FGGY: variants seen among roughly 807,000 people sequenced by gnomAD.
FGGY encodes the protein FGGY carbohydrate kinase domain-containing protein.
Under a neutral mutation model 71.3 loss-of-function variants are expected in FGGY, and 72 were observed. The ratio of observed to expected loss-of-function variants is 1.01; its 90% CI spans 0.84 to 1.23. FGGY has a LOEUF of 1.23. Among genes scored for constraint, FGGY ranks in the 50% most tolerant of loss-of-function variants. The pLI is 0.00. For missense variants in FGGY, 668 were observed against 682.3 expected (o/e 0.98, Z 0.23); for synonymous variants, 251 against 250.3 (o/e 1.00, Z -0.02).
chr1:59,643,186 T>A (rs1489703808), intron 11 of FGGY, among the ~76,000 whole-genome samples: 1 of 151,506 alleles, frequency 6.6e-6, no homozygotes, highest in Admixed American at 6.6e-5. Context: ...ATATTTTTAA[T>A]TTTTTTTTAA....
At chr1:59,524,859 C>T (rs1203365116) in intron 7 of FGGY, among the ~76,000 whole-genome samples, 3 of 152,208 alleles carry the variant, frequency 2.0e-5, no homozygotes, top group Non-Finnish European at 2.9e-5. Context: ...GAACTCAGGA[C>T]CCACTGAATG....
Position 59,667,390 on chromosome 1 carries a change from T to A in FGGY, c.1404T>A (p.His468Gln). 1 of 1,614,144 alleles carries A rather than the reference T, an allele frequency of 6.2e-7. No individual in the cohort carries two copies. Among genetic ancestry groups the A allele is most frequent in the Non-Finnish European group, 8.5e-7 (1 of 1,179,998 alleles). ...AGAATCCCCTTTTTGTGCAAATGCA[T>A]GCGGACATTACTGGTAAGTCTGGGA... ...LSKNPLFVQMHADITGMPVVL... is the reference protein window; with the variant it reads ...LSKNPLFVQMQADITGMPVVL... The change falls in exon 13 of 16, where the codon CAT becomes CAA. Residue 468 changes from histidine to glutamine, a missense_variant. Physicochemically the swap from His to Gln is conservative, Grantham distance 24. Coordinates refer to ENST00000303721, the MANE Select transcript of FGGY (RefSeq NM_018291.5).
chr1:59,594,240 A>G (rs1252432583), intron 8 of FGGY, among the ~76,000 whole-genome samples: 3 of 152,134 alleles, frequency 2.0e-5, no homozygotes, highest in South Asian at 4.2e-4. Context: ...GATTAACCAT[A>G]CTAGTCTGGA....
chr1:59,315,466 C>CTT (rs2045273199), intron 1 of FGGY: 1 of 150,424 alleles, frequency 6.6e-6, no homozygotes, highest in Non-Finnish European at 1.5e-5. Flanking sequence ...CTTCCCTTTC[C>CTT]TTTCCCCCTC....
intron 4 of FGGY, among the ~76,000 whole-genome samples, chr1:59,361,628 T>C (rs2055540643): frequency 6.6e-6 from 1 of 152,176 alleles, no homozygotes; most frequent in African/African-American, 2.4e-5. Context: ...AATTACAGGA[T>C]TCTTTGCAGG....
chr1:59,576,032 G>T (rs929124775), intron 8 of FGGY, among the ~76,000 whole-genome samples: 2 of 151,996 alleles, frequency 1.3e-5, no homozygotes, highest in Non-Finnish European at 1.5e-5. Context: ...TTGTCTAATT[G>T]TGTTTGCTAG....
At chr1:59,521,999 C>A (rs999289737) in intron 7 of FGGY, among the ~76,000 whole-genome samples, 1 of 152,184 alleles carries the variant, frequency 6.6e-6, no homozygotes, top group East Asian at 1.9e-4. Context: ...ACCTGCTATT[C>A]GAGTTCCTTC....
At chr1:59,685,533 T>G (rs1358352747) in intron 14 of FGGY, among the ~76,000 whole-genome samples, 1 of 152,192 alleles carries the variant, frequency 6.6e-6, no homozygotes, top group Non-Finnish European at 1.5e-5. Flanking sequence ...CACATATATA[T>G]ACATATAAAC....
rs1480752978 is a variant in FGGY, at chr1:59,762,634, A to G, written c.*50A>G. 1 of 1,320,678 alleles carries G rather than the reference A, an allele frequency of 7.6e-7. No homozygotes were observed. Among genetic ancestry groups the G allele is most frequent in the Non-Finnish European group, 1.0e-6 (1 of 963,942 alleles). 81.8% of individuals were successfully genotyped at this position (1,320,678 alleles called of 1,614,324 possible). A position where few individuals can be genotyped will look rare whatever the true frequency, so the allele number is the denominator to read the frequency against. Reference sequence around the variant, plus strand: ...AGAAGCTTCTGTGCCATTGCATTAAAGACTTGTCATTTGATCCATGTTCAA... The same window carrying G: ...AGAAGCTTCTGTGCCATTGCATTAAGGACTTGTCATTTGATCCATGTTCAA... On this transcript the variant is annotated 3_prime_UTR_variant, in exon 16 of 16. Coordinates refer to ENST00000303721, the MANE Select transcript of FGGY (RefSeq NM_018291.5).
intron 14 of FGGY, among the ~76,000 whole-genome samples, chr1:59,757,362 T>C (rs1559006733): frequency 6.6e-6 from 1 of 152,224 alleles, no homozygotes; most frequent in Non-Finnish European, 1.5e-5. Flanking sequence ...AAGAATGTCC[T>C]GAAGTCACAT....
At chr1:59,710,411 C>T (rs2095720) in intron 14 of FGGY, among the ~76,000 whole-genome samples, 71,964 of 151,842 alleles carry the variant, frequency 0.47, 18,231 homozygotes, top group Middle Eastern at 0.63. Flanking sequence ...ACTAAAACAC[C>T]GAAAGCAATG....
intron 5 of FGGY, among the ~76,000 whole-genome samples, chr1:59,424,518 G>A (rs559774511): frequency 6.6e-6 from 1 of 152,268 alleles, no homozygotes; most frequent in Non-Finnish European, 1.5e-5. Flanking sequence ...CTGCACTCCA[G>A]CCTGGCGACA....
At chr1:59,303,031 A>G (rs1205443679) in intron 1 of FGGY, among the ~76,000 whole-genome samples, 1 of 152,160 alleles carries the variant, frequency 6.6e-6, no homozygotes, top group East Asian at 1.9e-4. Flanking sequence ...AAAATTGTAC[A>G]TGCTCAAGGT....
intron 4 of FGGY, among the ~76,000 whole-genome samples, chr1:59,375,883 T>TG (rs2058586174): frequency 6.6e-6 from 1 of 150,610 alleles, no homozygotes; most frequent in South Asian, 2.1e-4. Flanking sequence ...AAAGTAGTTT[T>TG]TTTTTTTTTT....
intron 5 of FGGY, among the ~76,000 whole-genome samples, chr1:59,451,179 C>T (rs1201481944): frequency 1.3e-5 from 2 of 151,934 alleles, no homozygotes; most frequent in Non-Finnish European, 2.9e-5. Flanking sequence ...CTTTGAGAGT[C>T]CTACTAAGTG....
At chr1:59,745,867 A>G (rs944721452) in intron 14 of FGGY, among the ~76,000 whole-genome samples, 44 of 152,342 alleles carry the variant, frequency 2.9e-4, no homozygotes, top group African/African-American at 1.0e-3. Context: ...TTTGCTAAGA[A>G]TGATAGAGTA....
chr1:59,515,585 A>G (rs2094623258), intron 7 of FGGY, among the ~76,000 whole-genome samples: 1 of 152,202 alleles, frequency 6.6e-6, no homozygotes, highest in Non-Finnish European at 1.5e-5. Context: ...CAGAATTCCC[A>G]CATGTTGTGG....
chr1:59,513,584 A>G (rs1187871633), intron 7 of FGGY, among the ~76,000 whole-genome samples: 1 of 152,186 alleles, frequency 6.6e-6, no homozygotes, highest in Non-Finnish European at 1.5e-5. Context: ...TTTTCAGCAC[A>G]CTATTTGAAG....
chr1:59,371,783 C>G (rs2057691585), intron 4 of FGGY, among the ~76,000 whole-genome samples: 1 of 152,120 alleles, frequency 6.6e-6, no homozygotes, highest in African/African-American at 2.4e-5. Context: ...TACATGGAAA[C>G]TGAACAACCT....
Sources: allele counts gnomAD v4.1 joint callset (sites outside exome capture counted in the v4.1 genomes callset), GRCh38; gene constraint gnomAD v4.1.1; transcripts MANE v1.5; gene names NCBI Gene and HGNC (gene_info 2026-07-23, HGNC 2026-07-21).